SPG11: variants seen among roughly 807,000 people sequenced by gnomAD.
The protein encoded by SPG11 is spatacsin.
In SPG11, 222 loss-of-function variants were observed where a neutral mutation model predicts 274.0. The ratio of observed to expected loss-of-function variants is 0.81; its 90% CI spans 0.73 to 0.91. SPG11 has a LOEUF of 0.91. Ranked by LOEUF, SPG11 falls within the 40% of genes least tolerant of loss-of-function variation. SPG11 has a pLI of 0.00. For missense variants in SPG11, 3,114 were observed against 2,872.7 expected, an observed-to-expected ratio of 1.08 and a Z score of -1.92; for synonymous variants, 1,144 against 1,039.7, an observed-to-expected ratio of 1.10 and a Z score of -1.93.
intron 30 of SPG11, among the ~76,000 whole-genome samples, chr15:44,577,583 T>C (rs575109038): frequency 2.0e-5 from 3 of 152,082 alleles, no homozygotes; most frequent in Admixed American, 6.5e-5. Flanking sequence ...GACCATGCTA[T>C]TCCCCTGCTT....
At chr15:44,652,359 G>T in intron 4 of SPG11, 93 bp from the exon 5 acceptor site, 1 of 1,350,696 alleles carries the variant, frequency 7.4e-7, no homozygotes. Context: ...AGAGATTACA[G>T]AGAAGGAATA....
intron 34 of SPG11, among the ~76,000 whole-genome samples, chr15:44,569,715 G>GTTCTTTTTTTTT (rs2082379162): frequency 6.7e-6 from 1 of 149,626 alleles, no homozygotes; most frequent in Non-Finnish European, 1.5e-5. Flanking sequence ...ACCACTGGCT[G>GTTCTTTTTTTTT]TTCTTTTTTT....
chr15:44,640,955 CTT>C (rs2084422071), intron 7 of SPG11, among the ~76,000 whole-genome samples: 1 of 152,176 alleles, frequency 6.6e-6, no homozygotes, highest in Non-Finnish European at 1.5e-5. Flanking sequence ...GTCTCGATCT[CTT>C]GACTTTGCGA....
rs932123549 is a variant in SPG11 at position 44,564,692 on chromosome 15, T to C, written c.7006A>G (p.Ile2336Val). Residue 2336 changes from isoleucine (I) to valine (V), a missense_variant, in exon 39 of 40, where the codon ATT becomes GTT. By Grantham distance (29) the Ile-to-Val change is conservative (BLOSUM62 3). Transcript: ENST00000261866. ...ACAAAATCGTAGGCCTCAGCCACAATAGAAGCCTTAAAAGGAGAGGTGAAG... is the reference window on the plus strand; with the variant it reads ...ACAAAATCGTAGGCCTCAGCCACAACAGAAGCCTTAAAAGGAGAGGTGAAG... ...LALPRFYQAS[I>V]VAEAYDFVPD... is the part of the protein sequence containing the mutation. 8.1e-6 allele frequency: 13 copies of C among 1,614,160 alleles called. No individual in the cohort carries two copies. The highest frequency in any genetic ancestry group is 2.2e-5 in the East Asian group (1 of 44,876).
In SPG11 at chr15:44,606,020, C is replaced by G; in HGVS notation, c.3520+5G>C. On this transcript the variant is annotated splice_donor_5th_base_variant and intron_variant, in intron 20 of 39. Coordinates refer to ENST00000261866, the MANE Select transcript of SPG11 (RefSeq NM_025137.4). ...ATGTCTCAAGAAGTACCCATGATGACTTACCTCCTATAGCTAGTGTGTTAG... is the reference window on the plus strand; with the variant it reads ...ATGTCTCAAGAAGTACCCATGATGAGTTACCTCCTATAGCTAGTGTGTTAG... 1.2e-6 allele frequency: 2 copies of G among 1,613,036 alleles called. No homozygotes were observed. The highest frequency in any genetic ancestry group is 1.7e-6 in the Non-Finnish European group (2 of 1,179,198).
chr15:44,587,719 AAC>A (rs2082803255), intron 28 of SPG11, among the ~76,000 whole-genome samples: 1 of 150,446 alleles, frequency 6.6e-6, no homozygotes, highest in East Asian at 2.0e-4. Context: ...AAAAAAAAAA[AAC>A]GTATTCCTGT....
intron 30 of SPG11, among the ~76,000 whole-genome samples, chr15:44,578,275 C>T (rs543949684): frequency 6.6e-6 from 1 of 151,348 alleles, no homozygotes; most frequent in Non-Finnish European, 1.5e-5. Flanking sequence ...TCATGATCCG[C>T]CCACCTCGGC....
At position 44,597,107 on chromosome 15, in the gene SPG11, ATTC is replaced by A. The variant is rs1163174989; in HGVS notation, c.4002-167_4002-165del. The A allele has an allele frequency of 4.5e-5, 21 of 464,186 alleles. No individual in the cohort carries two copies. The Admixed American group carries it at 6.2e-4, about 14-fold the overall frequency. 28.8% of individuals were successfully genotyped at this position (464,186 alleles called of 1,614,324 possible). ...TATTAGGCTACTTTGAAAAAAGTAG[ATTC>A]TTTTTTTTTTTTTTTTTTTTGAGAC... On this transcript the variant is annotated intron_variant, in intron 23 of 39. Transcript: ENST00000261866.
Position 44,567,588 on chromosome 15 carries a change from C to G in SPG11, c.6590G>C (p.Gly2197Ala), listed in dbSNP as rs756548501. Reference protein sequence around the residue: ...VLMRKKLDPSGTLKTALLDYI... With the variant: ...VLMRKKLDPSATLKTALLDYI... The stretch of plus-strand genomic sequence containing the variant: ...GTCCAGCAGGGCTGTTTTCAGGGTA[C>G]CACTCTGCCCAGAATAAAAGGGAAA... The change falls in exon 36 of 40, where the codon GGT becomes GCT. Residue 2197 changes from glycine to alanine, a missense_variant. Physicochemically the swap from Gly to Ala is moderately conservative, Grantham distance 60 (BLOSUM62 0). Coordinates refer to ENST00000261866, the MANE Select transcript of SPG11 (RefSeq NM_025137.4). The G allele has an allele frequency of 6.2e-7, 1 of 1,613,828 alleles. No individual in the cohort carries two copies. The highest frequency in any genetic ancestry group is 8.5e-7 in the Non-Finnish European group (1 of 1,179,962).
intron 4 of SPG11, among the ~76,000 whole-genome samples, chr15:44,653,327 G>A (rs1160657231): frequency 6.6e-6 from 1 of 152,116 alleles, no homozygotes; most frequent in Admixed American, 6.5e-5. Context: ...CAACTTGAAG[G>A]TAATTTGTTG....
chr15:44,590,790 A>G (rs1025423323), intron 27 of SPG11: 2 of 152,218 alleles, frequency 1.3e-5, no homozygotes, highest in Non-Finnish European at 2.9e-5. Flanking sequence ...CCAAAAACTT[A>G]TAATTCAGTA....
chr15:44,584,076 A>C lies in SPG11; in HGVS notation c.5604T>G (p.Asn1868Lys). ...NSLPSKETCE[N>K]RLDWKEQESL... ...ACTCCTGCTCTTTCCAATCCAATCT[A>C]TTCTCGCATGTCTCTTTGGATGGAA... Residue 1868 changes from asparagine to lysine, a missense_variant, in exon 30 of 40, where the codon AAT becomes AAG. By Grantham distance (94) the Asn-to-Lys change is moderately conservative. Coordinates refer to ENST00000261866, the MANE Select transcript of SPG11 (RefSeq NM_025137.4). 6.2e-7 allele frequency: 1 copy of C among 1,614,206 alleles called. No homozygotes were observed. Among genetic ancestry groups the C allele is most frequent in the South Asian group, 1.1e-5 (1 of 91,092 alleles).
rs555442853 is a variant in SPG11 at position 44,639,580 on chromosome 15, G to A, written c.1603-5943C>T. On this transcript the variant is annotated intron_variant, in intron 7 of 39. Coordinates refer to ENST00000261866, the MANE Select transcript of SPG11 (RefSeq NM_025137.4). ...TAGCTGGGTGTGGTGGTGTGCAACC[G>A]TAGTCCCAGCTACTCAGAGGCTCAC... Among the ~76,000 whole-genome samples, 600 of 152,090 alleles carry A rather than the reference G, an allele frequency of 3.9e-3. 2 individuals carry two copies. Among genetic ancestry groups the A allele is most frequent in the African/African-American group, 0.014 (571 of 41,476 alleles).
intron 23 of SPG11, 133 bp downstream of exon 23, chr15:44,598,132 T>C: frequency 1.4e-6 from 1 of 691,214 alleles, no homozygotes; most frequent in Non-Finnish European, 2.6e-6. Flanking sequence ...ATCTGCTACA[T>C]GCTAGATAAA....
intron 31 of SPG11, 143 bp from the exon 32 acceptor site, chr15:44,573,888 G>A (rs1336993813): frequency 2.6e-6 from 2 of 761,142 alleles, no homozygotes; most frequent in Non-Finnish European, 2.2e-6. Context: ...CTTAGAAAAA[G>A]CAAGTACTGT....
intron 7 of SPG11, among the ~76,000 whole-genome samples, chr15:44,641,481 A>AAT: frequency 6.6e-6 from 1 of 152,112 alleles, no homozygotes. Flanking sequence ...GTATCTAGAG[A>AAT]ATATCCAACA....
chr15:44,608,928 A>G (rs1471642165), intron 18 of SPG11, among the ~76,000 whole-genome samples: 2 of 152,118 alleles, frequency 1.3e-5, no homozygotes, highest in South Asian at 2.1e-4. Context: ...ATTCAATAAT[A>G]TATATTTTAA....
At chr15:44,608,109 G>A (rs1271218461) in intron 19 of SPG11, among the ~76,000 whole-genome samples, 1 of 152,100 alleles carries the variant, frequency 6.6e-6, no homozygotes, top group African/African-American at 2.4e-5. Context: ...TCATTTTCCT[G>A]GGGCATCTCC....
chr15:44,590,039 C>T (rs1166208996), intron 27 of SPG11, among the ~76,000 whole-genome samples: 1 of 152,208 alleles, frequency 6.6e-6, no homozygotes, highest in Non-Finnish European at 1.5e-5. Context: ...GAACTCCTGA[C>T]CTGATGATCC....
Sources: allele counts gnomAD v4.1 joint callset (sites outside exome capture counted in the v4.1 genomes callset), GRCh38; gene constraint gnomAD v4.1.1; transcripts MANE v1.5; gene names NCBI Gene and HGNC (gene_info 2026-07-23, HGNC 2026-07-21).